Variants in TEX11 observed in about 807,000 individuals in gnomAD.
TEX11 encodes the protein testis expressed 11, also known as testis-expressed protein 11.
A neutral mutation model predicts 84.4 loss-of-function variants in TEX11; 7 were observed. The observed-to-expected ratio is 0.08, with a 90% CI of 0.05 to 0.16. TEX11 has a LOEUF of 0.16. Among genes scored for constraint, TEX11 ranks in the 10% least tolerant of loss-of-function variants. The pLI, the probability that TEX11 is intolerant of heterozygous loss-of-function variation, is 1.00. For missense variants in TEX11, 551 were observed against 660.5 expected (o/e 0.83, Z 1.82); for synonymous variants, 264 against 222.8 (o/e 1.18, Z -1.64).
intron 7 of TEX11, among the ~76,000 whole-genome samples, chrX:70,842,749 A>T (rs1244261200): frequency 8.9e-6 from 1 of 111,837 alleles, no homozygotes; most frequent in East Asian, 2.8e-4. Context: ...TCTCAGCCCA[A>T]AATCTCCTCA....
At chrX:70,658,395 C>T (rs776353371) in intron 16 of TEX11, among the ~76,000 whole-genome samples, 65 of 110,817 alleles carry the variant, frequency 5.9e-4, no homozygotes, top group South Asian at 2.3e-3. Flanking sequence ...CCAGCCTGGG[C>T]GACAGAGCGA....
intron 9 of TEX11, among the ~76,000 whole-genome samples, chrX:70,777,694 G>C (rs1232209398): frequency 1.8e-5 from 2 of 110,745 alleles, no homozygotes; most frequent in Non-Finnish European, 3.8e-5. Context: ...AAATAAACTG[G>C]TATAAGATGT....
chrX:70,846,615 A>T (rs1013791668), intron 7 of TEX11, among the ~76,000 whole-genome samples: 1 of 111,671 alleles, frequency 9.0e-6, no homozygotes, highest in African/African-American at 3.3e-5. Context: ...GTCCCTTCCA[A>T]ATCTCATGTT....
At chrX:70,575,685 C>T (rs977283072) in intron 25 of TEX11, among the ~76,000 whole-genome samples, 1 of 111,581 alleles carries the variant, frequency 9.0e-6, no homozygotes, top group Non-Finnish European at 1.9e-5. Context: ...GTAAGTTACC[C>T]GGTCTGCATG....
At chrX:70,818,206 G>A (rs1238177322) in intron 8 of TEX11, among the ~76,000 whole-genome samples, 2 of 110,649 alleles carry the variant, frequency 1.8e-5, no homozygotes, top group African/African-American at 3.3e-5. Context: ...GCTGGCTGAG[G>A]TGGGAGGATC....
chrX:70,680,962 T>G (rs753401422), intron 14 of TEX11, among the ~76,000 whole-genome samples: 3 of 112,872 alleles, frequency 2.7e-5, no homozygotes, highest in Non-Finnish European at 3.7e-5. Context: ...GAAAGGCCAA[T>G]TATGCCTTAA....
rs774239210 is a variant in TEX11, at chrX:70,629,352, T to A, written c.1608+259A>T. Among the ~76,000 whole-genome samples the A allele has an allele frequency of 1.5e-4, 17 of 112,291 alleles. 1 individual carries two copies. The South Asian group carries it at 5.5e-3, about 37-fold the overall frequency. On this transcript the variant is annotated intron_variant, in intron 18 of 29. Coordinates refer to ENST00000374333, the MANE Select transcript of TEX11 (RefSeq NM_031276.3). ...GGCATTTTGAATTTGGAGTTTCTTT[T>A]AAAAAATTAATGTTTTGCTACGTTT...
chrX:70,651,256 A>G (rs1332863993), intron 17 of TEX11, among the ~76,000 whole-genome samples, 194 bp downstream of exon 17: 2 of 111,796 alleles, frequency 1.8e-5, no homozygotes, highest in Non-Finnish European at 3.8e-5. Context: ...TCAATAGGTA[A>G]CCACTGTTCT....
chrX:70,653,262 T>C (rs1217498346), intron 16 of TEX11, among the ~76,000 whole-genome samples: 1 of 111,649 alleles, frequency 9.0e-6, no homozygotes, highest in Middle Eastern at 4.7e-3. Context: ...AGCCACATAT[T>C]GGGAAAAAAT....
chrX:70,680,579 TA>T (rs34908221), intron 14 of TEX11, among the ~76,000 whole-genome samples: 34,381 of 88,942 alleles, frequency 0.39, 5,560 homozygotes, highest in Admixed American at 0.49. Flanking sequence ...AATGATCAAT[TA>T]AAAAAAAAAA....
chrX:70,779,614 G>A (rs2091024946), intron 9 of TEX11, among the ~76,000 whole-genome samples: 1 of 110,331 alleles, frequency 9.1e-6, no homozygotes, highest in Non-Finnish European at 1.9e-5. Flanking sequence ...GAAACTAAAA[G>A]TTGGTTTTCT....
chrX:70,665,093 G>C (rs757482262), intron 16 of TEX11, among the ~76,000 whole-genome samples: 94 of 110,886 alleles, frequency 8.5e-4, no homozygotes, highest in Non-Finnish European at 1.4e-3. Context: ...AAGTCTTACA[G>C]CCATTCTGTG....
chrX:70,867,828 G>C (rs1252551564), intron 4 of TEX11, among the ~76,000 whole-genome samples: 1 of 111,682 alleles, frequency 9.0e-6, no homozygotes, highest in African/African-American at 3.2e-5. Flanking sequence ...GCCATATGCA[G>C]AAAACAGAAA....
At chrX:70,516,224 A>G in the TEX11 span, among the ~76,000 whole-genome samples, 3 of 111,973 alleles carry the variant, frequency 2.7e-5, no homozygotes, top group Non-Finnish European at 5.6e-5. Flanking sequence ...GGTATTGCCT[A>G]GGTTTTCTTC....
chrX:70,755,794 G>A lies in TEX11; in HGVS notation c.693-11575C>T, dbSNP rs1025602718. Among the ~76,000 whole-genome samples the A allele has an allele frequency of 4.4e-5, 5 of 112,381 alleles. No individual in the cohort carries two copies. The South Asian group carries it at 1.1e-3, about 25-fold the overall frequency. ...GCGAACCAAAGCAGGGCAGTGCATCGCCTCAACCGGGAAGCACAAGGGGTC... is the reference window on the plus strand; with the variant it reads ...GCGAACCAAAGCAGGGCAGTGCATCACCTCAACCGGGAAGCACAAGGGGTC... On this transcript the variant is annotated intron_variant, in intron 9 of 29. Transcript: ENST00000374333.
chrX:70,792,534 A>T (rs1170276649), intron 9 of TEX11, among the ~76,000 whole-genome samples: 2 of 104,816 alleles, frequency 1.9e-5, no homozygotes, highest in East Asian at 6.0e-4. Context: ...AGAAAAAAAA[A>T]TGACTAAAAC....
intron 3 of TEX11, among the ~76,000 whole-genome samples, chrX:70,873,923 T>G (rs2091642279): frequency 1.8e-5 from 2 of 111,574 alleles, no homozygotes; most frequent in Non-Finnish European, 3.8e-5. Flanking sequence ...GAATCTCATA[T>G]CAAAATTTGA....
intron 9 of TEX11, among the ~76,000 whole-genome samples, chrX:70,805,615 G>A (rs1422664070): frequency 9.0e-6 from 1 of 111,176 alleles, no homozygotes; most frequent in African/African-American, 3.3e-5. Context: ...TGGCCAGGCT[G>A]GTCTTGAACT....
chrX:70,779,068 T>TA (rs991342209), intron 9 of TEX11, among the ~76,000 whole-genome samples: 2 of 109,835 alleles, frequency 1.8e-5, no homozygotes, highest in East Asian at 5.7e-4. Context: ...TTTTAAAAAT[T>TA]AAAAAAAAAT....
Sources: allele counts gnomAD v4.1 joint callset (sites outside exome capture counted in the v4.1 genomes callset), GRCh38; gene constraint gnomAD v4.1.1; transcripts MANE v1.5; gene names NCBI Gene and HGNC (gene_info 2026-07-23, HGNC 2026-07-21).